Variants in TMEM117 observed in about 807,000 individuals in gnomAD.
TMEM117 encodes the protein transmembrane protein 117.
In TMEM117, 27 loss-of-function variants were observed where a neutral mutation model predicts 52.4. That is an observed-to-expected ratio of 0.51 (90% CI 0.38 to 0.71). The LOEUF (loss-of-function observed/expected upper bound fraction) is 0.71. Among genes scored for constraint, TMEM117 ranks in the 30% least tolerant of loss-of-function variants. The probability of loss-of-function intolerance (pLI) is 0.00; values close to 1 mark genes in which losing one functional copy is unlikely to be tolerated. For synonymous variants in TMEM117, 215 were observed against 206.3 expected (o/e 1.04, Z -0.36); for missense variants, 556 against 630.5 (o/e 0.88, Z 1.26).
chr12:43,940,147 C>T (rs144808304), intron 2 of TMEM117, among the ~76,000 whole-genome samples: 13 of 152,292 alleles, frequency 8.5e-5, no homozygotes, highest in African/African-American at 3.1e-4. Flanking sequence ...TAGTCATCCC[C>T]AAATGAGGCT....
intron 4 of TMEM117, among the ~76,000 whole-genome samples, chr12:44,178,080 T>C (rs1474227009): frequency 2.0e-5 from 3 of 152,222 alleles, no homozygotes; most frequent in African/African-American, 7.2e-5. Flanking sequence ...TATTTCTTAA[T>C]TGACTTGAGT....
At chr12:43,806,069 G>A in the TMEM117 span, 2 of 1,517,560 alleles carry the variant, frequency 1.3e-6, no homozygotes, top group Non-Finnish European at 1.8e-6. Flanking sequence ...CGGGAAGCAG[G>A]AGCGCGGAGA....
Position 43,862,401 on chromosome 12 carries a change from C to T in TMEM117, c.277+17473C>T, listed in dbSNP as rs1043277430. Among the ~76,000 whole-genome samples, 13 of 152,300 alleles carry T rather than the reference C, an allele frequency of 8.5e-5. No homozygotes were observed. In the South Asian group the frequency reaches 2.5e-3, roughly 29 times the overall value. ...CTCGATCTTCTGACCTCATGATCCA[C>T]CTGCCTTGGCCTCCCAAAGTGCTGG... On this transcript the variant is annotated intron_variant, in intron 2 of 7. Transcript: ENST00000266534.
At chr12:43,913,644 G>C (rs904043990) in intron 2 of TMEM117, among the ~76,000 whole-genome samples, 2 of 152,046 alleles carry the variant, frequency 1.3e-5, no homozygotes, top group Non-Finnish European at 2.9e-5. Context: ...TTTATGAGTC[G>C]TTCCTGTTTT....
At chr12:43,890,019 T>G (rs77585719) in intron 2 of TMEM117, among the ~76,000 whole-genome samples, 327 of 152,214 alleles carry the variant, frequency 2.1e-3, no homozygotes, top group African/African-American at 7.0e-3. Flanking sequence ...AGCTTGGGCT[T>G]TTATACAGTT....
At chr12:44,072,219 A>C (rs867792706) in intron 3 of TMEM117, among the ~76,000 whole-genome samples, 2 of 152,166 alleles carry the variant, frequency 1.3e-5, no homozygotes, top group Admixed American at 6.5e-5. Flanking sequence ...AAACAACAAA[A>C]AAAAAAATTA....
chr12:43,955,705 C>T (rs1945295398), intron 3 of TMEM117, among the ~76,000 whole-genome samples: 1 of 152,166 alleles, frequency 6.6e-6, no homozygotes, highest in African/African-American at 2.4e-5. Flanking sequence ...TGAAAATGGC[C>T]ATACTGCCCA....
chr12:44,245,015 T>C (rs1438470248), intron 5 of TMEM117, among the ~76,000 whole-genome samples: 1 of 152,118 alleles, frequency 6.6e-6, no homozygotes, highest in Non-Finnish European at 1.5e-5. Context: ...GGTTGGCTTA[T>C]TCCTAGGCTG....
At chr12:44,172,906 G>A (rs550659919) in intron 4 of TMEM117, among the ~76,000 whole-genome samples, 26 of 152,096 alleles carry the variant, frequency 1.7e-4, no homozygotes, top group African/African-American at 5.8e-4. Context: ...TGTATTTTTA[G>A]TAGAGATGGG....
intron 3 of TMEM117, among the ~76,000 whole-genome samples, chr12:44,129,857 A>C (rs1490416264): frequency 1.3e-5 from 2 of 152,206 alleles, no homozygotes; most frequent in Non-Finnish European, 2.9e-5. Context: ...ATATAGGCTA[A>C]ATTACATTAT....
intron 6 of TMEM117, among the ~76,000 whole-genome samples, chr12:44,312,923 C>T (rs1381980132): frequency 6.6e-6 from 1 of 152,050 alleles, no homozygotes; most frequent in Non-Finnish European, 1.5e-5. Context: ...TGAGAAGTGT[C>T]TGTTCATGTT....
At chr12:44,334,587 G>A (rs989280339) in intron 6 of TMEM117, among the ~76,000 whole-genome samples, 1 of 151,974 alleles carries the variant, frequency 6.6e-6, no homozygotes, top group African/African-American at 2.4e-5. Flanking sequence ...TAGCTTAAGA[G>A]TCACCTCTTC....
In TMEM117 at chr12:43,848,613, T is replaced by C. The variant is rs184984609; in HGVS notation, c.277+3685T>C. On this transcript the variant is annotated intron_variant, in intron 2 of 7. Transcript: ENST00000266534. ...AAAAATCACTATTATTCTGTTCTTTTTCAAGGTGCACTAATTTCATATTGT... is the reference window on the plus strand; with the variant it reads ...AAAAATCACTATTATTCTGTTCTTTCTCAAGGTGCACTAATTTCATATTGT... 1.4e-3 allele frequency among the ~76,000 whole-genome samples: 218 copies of C among 152,156 alleles called. 1 individual carries two copies. The highest frequency in any genetic ancestry group is 3.1e-3 in the Admixed American group (47 of 15,284).
intron 3 of TMEM117, among the ~76,000 whole-genome samples, chr12:44,031,017 T>C (rs1241539606): frequency 6.6e-6 from 1 of 152,196 alleles, no homozygotes; most frequent in Non-Finnish European, 1.5e-5. Flanking sequence ...GAATCTTACC[T>C]TAGGGTCAAA....
chr12:44,115,204 C>T (rs533705145), intron 3 of TMEM117, among the ~76,000 whole-genome samples: 1 of 152,260 alleles, frequency 6.6e-6, no homozygotes, highest in South Asian at 2.1e-4. Context: ...AAGCTATGAC[C>T]AACCCATCAG....
chr12:44,079,723 A>G (rs1947448747), intron 3 of TMEM117, among the ~76,000 whole-genome samples: 1 of 152,136 alleles, frequency 6.6e-6, no homozygotes. Context: ...TTTTAAAGAA[A>G]TTAAAAATGA....
the TMEM117 span, chr12:43,804,173 C>A: frequency 2.6e-6 from 1 of 385,970 alleles, no homozygotes; most frequent in Non-Finnish European, 5.2e-6. Context: ...TTTTGATAAT[C>A]ACCTGTTTAG....
At chr12:43,802,466 T>A in the TMEM117 span, 1 of 1,598,436 alleles carries the variant, frequency 6.3e-7, no homozygotes, top group Non-Finnish European at 8.5e-7. Context: ...CAAGTTGCTC[T>A]ATGAAAAATT....
chr12:43,804,685 C>A, the TMEM117 span: 3 of 619,906 alleles, frequency 4.8e-6, no homozygotes, highest in Non-Finnish European at 5.6e-6. Flanking sequence ...CATGTAGCAT[C>A]CTTATTATCA....
Sources: gnomAD v4.1 joint callset for allele counts (sites outside exome capture counted in the v4.1 genomes callset) on GRCh38, gnomAD v4.1.1 for gene constraint, MANE v1.5 for transcripts, NCBI Gene and HGNC (gene_info 2026-07-23, HGNC 2026-07-21) for gene names.